The following SH2D4A variants were observed in gnomAD, a reference collection of about 807,000 sequenced individuals.
SH2D4A encodes the protein SH2 domain-containing protein 4A.
In SH2D4A, 70 loss-of-function variants were observed where a neutral mutation model predicts 64.7. The ratio of observed to expected loss-of-function variants is 1.08; its 90% CI spans 0.89 to 1.32. The LOEUF (loss-of-function observed/expected upper bound fraction) is 1.32, where lower values mean the gene tolerates loss of function less well. Ranked by LOEUF, SH2D4A falls within the 40% of genes most tolerant of loss-of-function variation. The probability of loss-of-function intolerance (pLI) is 0.00; values close to 1 mark genes in which losing one functional copy is unlikely to be tolerated. For synonymous variants in SH2D4A, 268 were observed against 200.7 expected (o/e 1.34, Z -2.83); for missense variants, 706 against 540.1 (o/e 1.31, Z -3.04).
intron 1 of SH2D4A, among the ~76,000 whole-genome samples, chr8:19,314,999 A>T (rs908046725): frequency 1.3e-5 from 2 of 152,222 alleles, no homozygotes; most frequent in African/African-American, 2.4e-5. Flanking sequence ...TGTTATAGTT[A>T]CACTGTCCAT....
At chr8:19,320,879 C>T (rs186396724) in intron 2 of SH2D4A, among the ~76,000 whole-genome samples, 2 of 152,300 alleles carry the variant, frequency 1.3e-5, no homozygotes, top group Admixed American at 6.5e-5. Context: ...TGTAAAATCA[C>T]ATATGGTTTC....
chr8:19,319,625 C>T lies in SH2D4A; in HGVS notation c.78C>T (p.Ile26=). ...LAELSEEQKQ[I]LFFKMREEQI... Reference sequence around the variant, plus strand: ...AGCTCAGCGAAGAACAGAAACAGATCCTGTTCTTCAAGATGAGAGAGGAAC... The same window carrying T: ...AGCTCAGCGAAGAACAGAAACAGATTCTGTTCTTCAAGATGAGAGAGGAAC... The change falls in exon 2 of 10, where the codon ATC becomes ATT. Residue 26 remains isoleucine, a synonymous_variant. Transcript: ENST00000265807. 1 of 1,611,008 alleles carries T rather than the reference C, an allele frequency of 6.2e-7. No homozygotes were observed. The highest frequency in any genetic ancestry group is 8.5e-7 in the Non-Finnish European group (1 of 1,178,880).
chr8:19,384,365 A>G (rs1384420703), intron 8 of SH2D4A, among the ~76,000 whole-genome samples: 2 of 152,142 alleles, frequency 1.3e-5, no homozygotes, highest in Non-Finnish European at 2.9e-5. Flanking sequence ...AATAGCCACC[A>G]TTTTCTAGAT....
At chr8:19,378,830 G>A (rs780685698) in intron 8 of SH2D4A, among the ~76,000 whole-genome samples, 24 of 149,702 alleles carry the variant, frequency 1.6e-4, no homozygotes, top group Non-Finnish European at 3.1e-4. Context: ...CGGATCCTTT[G>A]AGCCCAGGAG....
intron 4 of SH2D4A, among the ~76,000 whole-genome samples, chr8:19,356,378 C>T (rs534128099): frequency 6.6e-6 from 1 of 152,194 alleles, no homozygotes; most frequent in South Asian, 2.1e-4. Flanking sequence ...CCGATGTATG[C>T]CAAAATTAAG....
At chr8:19,385,726 C>T (rs1006003031) in intron 8 of SH2D4A, among the ~76,000 whole-genome samples, 2 of 152,270 alleles carry the variant, frequency 1.3e-5, no homozygotes, top group Admixed American at 1.3e-4. Context: ...CCCAACAGAG[C>T]ATATGTCACT....
At chr8:19,332,831 T>C in intron 2 of SH2D4A, 124 bp from the exon 3 acceptor site, 1 of 781,938 alleles carries the variant, frequency 1.3e-6, no homozygotes, top group East Asian at 2.9e-5. Flanking sequence ...TGGAAGTTCT[T>C]TGTCTCATCT....
At chr8:19,392,482 A>C (rs2053508467) in intron 8 of SH2D4A, among the ~76,000 whole-genome samples, 1 of 152,016 alleles carries the variant, frequency 6.6e-6, no homozygotes, top group South Asian at 2.1e-4. Flanking sequence ...TCCTCCATCC[A>C]TGACAACCAA....
chr8:19,376,991 A>T (rs1287654004), intron 8 of SH2D4A, among the ~76,000 whole-genome samples: 1 of 152,212 alleles, frequency 6.6e-6, no homozygotes, highest in African/African-American at 2.4e-5. Context: ...ACCAAGAAAA[A>T]TACAACACCA....
chr8:19,322,582 A>G (rs910331550), intron 2 of SH2D4A, among the ~76,000 whole-genome samples: 3 of 141,362 alleles, frequency 2.1e-5, no homozygotes, highest in Admixed American at 7.0e-5. Flanking sequence ...ATTGTTGTGT[A>G]TTGTGCATCA....
chr8:19,317,742 A>G (rs780668262), intron 1 of SH2D4A, among the ~76,000 whole-genome samples: 15 of 152,228 alleles, frequency 9.9e-5, no homozygotes, highest in African/African-American at 2.7e-4. Context: ...AGAGAAACCA[A>G]CAACACTACG....
intron 8 of SH2D4A, among the ~76,000 whole-genome samples, chr8:19,386,282 C>G (rs891881089): frequency 6.6e-6 from 1 of 152,260 alleles, no homozygotes; most frequent in Non-Finnish European, 1.5e-5. Context: ...GAGGCTAAAA[C>G]TACACACATT....
intron 4 of SH2D4A, among the ~76,000 whole-genome samples, chr8:19,353,296 A>C (rs1016856061): frequency 6.6e-6 from 1 of 151,924 alleles, no homozygotes; most frequent in Non-Finnish European, 1.5e-5. Context: ...TCAAAGAGGC[A>C]GTGGTATTAC....
chr8:19,332,409 G>A (rs1366399123), intron 2 of SH2D4A, among the ~76,000 whole-genome samples: 1 of 152,178 alleles, frequency 6.6e-6, no homozygotes, highest in African/African-American at 2.4e-5. Context: ...GCTGAGGTGG[G>A]TGGATCACGA....
chr8:19,393,223 C>T lies in SH2D4A; in HGVS notation c.1049-95C>T, dbSNP rs1319666250. On this transcript the variant is annotated intron_variant, in intron 8 of 9. Coordinates refer to ENST00000265807, the MANE Select transcript of SH2D4A (RefSeq NM_022071.4). ...TTGCTCTTATTGTGTCTTATTTAGG[C>T]GTCATTGACTCTATATCCATGCAGC... 20 of 1,086,528 alleles carry T rather than the reference C, an allele frequency of 1.8e-5. No individual in the cohort carries two copies. The East Asian group carries it at 3.1e-4, about 17-fold the overall frequency. The allele number at this position is 1,086,528 out of a possible 1,614,324, so 67.3% of individuals were successfully genotyped here. A position where few individuals can be genotyped will look rare whatever the true frequency, so the allele number is the denominator to read the frequency against.
chr8:19,319,674 G>C lies in SH2D4A; in HGVS notation c.127G>C (p.Glu43Gln). The C allele has an allele frequency of 1.9e-6, 3 of 1,609,712 alleles. No homozygotes were observed. Among genetic ancestry groups the C allele is most frequent in the Non-Finnish European group, 2.5e-6 (3 of 1,178,454 alleles). ...EEQIRRWKER[E>Q]AAMERKESLP... Reference sequence around the variant, plus strand: ...ACAGATCCGACGATGGAAAGAAAGAGAAGCAGCTATGGAAAGAAAGGAGTC... The same window carrying C: ...ACAGATCCGACGATGGAAAGAAAGACAAGCAGCTATGGAAAGAAAGGAGTC... Residue 43 changes from glutamate to glutamine, a missense_variant, in exon 2 of 10, where the codon GAA (glutamate) becomes CAA (glutamine). By Grantham distance (29) the Glu-to-Gln change is conservative. Coordinates refer to ENST00000265807, the MANE Select transcript of SH2D4A (RefSeq NM_022071.4).
At chr8:19,385,400 C>T (rs1285964869) in intron 8 of SH2D4A, among the ~76,000 whole-genome samples, 1 of 151,936 alleles carries the variant, frequency 6.6e-6, no homozygotes, top group Non-Finnish European at 1.5e-5. Flanking sequence ...TAGTAGAGAC[C>T]ATGTTGGCCA....
chr8:19,357,096 G>A, intron 4 of SH2D4A, 107 bp from the exon 5 acceptor site: 1 of 859,608 alleles, frequency 1.2e-6, no homozygotes, highest in Non-Finnish European at 1.9e-6. Context: ...GGATCCATCT[G>A]TAGGGGCGGG....
chr8:19,315,391 C>A (rs1280195501), intron 1 of SH2D4A, among the ~76,000 whole-genome samples: 1 of 152,224 alleles, frequency 6.6e-6, no homozygotes, highest in Non-Finnish European at 1.5e-5. Context: ...CCATGTCCAC[C>A]TCCCAAAGTG....
Sources: gnomAD v4.1 joint callset for allele counts (sites outside exome capture counted in the v4.1 genomes callset) on GRCh38, gnomAD v4.1.1 for gene constraint, MANE v1.5 for transcripts, NCBI Gene and HGNC (gene_info 2026-07-23, HGNC 2026-07-21) for gene names.